SSBP2: variants seen among roughly 807,000 people sequenced by gnomAD.
SSBP2 encodes the protein single-stranded DNA-binding protein 2.
A neutral mutation model predicts 61.8 loss-of-function variants in SSBP2; 17 were observed. That is an observed-to-expected ratio of 0.28 (90% CI 0.19 to 0.41). The LOEUF (loss-of-function observed/expected upper bound fraction) is 0.41, where lower values mean the gene tolerates loss of function less well. Among genes scored for constraint, SSBP2 ranks in the 10% least tolerant of loss-of-function variants. The pLI, the probability that SSBP2 is intolerant of heterozygous loss-of-function variation, is 1.00. For synonymous variants in SSBP2, 139 were observed against 141.3 expected (o/e 0.98, Z 0.12); for missense variants, 310 against 458.7 (o/e 0.68, Z 2.96).
intron 5 of SSBP2, among the ~76,000 whole-genome samples, chr5:81,493,339 C>T (rs1405606266): frequency 6.6e-6 from 1 of 151,870 alleles, no homozygotes; most frequent in Non-Finnish European, 1.5e-5. Flanking sequence ...GGCTGGAGTG[C>T]AGTGCCATGA....
At chr5:81,598,614 C>G (rs982167350) in intron 4 of SSBP2, among the ~76,000 whole-genome samples, 8 of 152,276 alleles carry the variant, frequency 5.3e-5, no homozygotes, top group African/African-American at 1.9e-4. Context: ...CTTATTGATA[C>G]TGGAGTGGAT....
Position 81,420,344 on chromosome 5 carries a change from T to A in SSBP2, c.*160A>T. On this transcript the variant is annotated 3_prime_UTR_variant, in exon 17 of 17. Coordinates refer to ENST00000320672, the MANE Select transcript of SSBP2 (RefSeq NM_012446.5). The stretch of plus-strand genomic sequence containing the variant: ...TGTTTGAATCACATTTGGACCCGCT[T>A]TCTTCACAAAAGAGGGGAGAGAGCA... 3.0e-6 allele frequency: 2 copies of A among 676,162 alleles called. No individual in the cohort carries two copies. The highest frequency in any genetic ancestry group is 3.8e-5 in the South Asian group (2 of 53,290). The allele number at this position is 676,162 out of a possible 1,614,324, so 41.9% of individuals were successfully genotyped here. A position where few individuals can be genotyped will look rare whatever the true frequency, so the allele number is the denominator to read the frequency against.
intron 11 of SSBP2, 129 bp from the exon 12 acceptor site, chr5:81,447,051 TTGAC>T (rs1368517104): frequency 3.0e-5 from 19 of 627,208 alleles, no homozygotes; most frequent in Middle Eastern, 3.9e-4. Flanking sequence ...TTTATTTTCT[TTGAC>T]TGCACAATCA....
chr5:81,440,573 T>A lies in SSBP2; in HGVS notation c.913A>T (p.Met305Leu). ...AAAGCCTTACCTAAAGAGCCATTCATGTGATGTGACTCCATTCCTCCTAAT... is the reference window on the plus strand; with the variant it reads ...AAAGCCTTACCTAAAGAGCCATTCAAGTGATGTGACTCCATTCCTCCTAAT... The change falls in exon 14 of 17, where the codon ATG becomes TTG. Residue 305 changes from methionine to leucine, a missense_variant. By Grantham distance (15) the Met-to-Leu change is conservative. This residue lies in a region of SSBP2 where 44 missense variants were observed against 86.2 expected (regional missense o/e 0.51). Transcript: ENST00000320672. 2 of 1,613,506 alleles carry A rather than the reference T, an allele frequency of 1.2e-6. No homozygotes were observed. Among genetic ancestry groups the A allele is most frequent in the Non-Finnish European group, 8.5e-7 (1 of 1,179,500 alleles).
intron 1 of SSBP2, among the ~76,000 whole-genome samples, chr5:81,653,184 G>A (rs1216013388): frequency 6.6e-6 from 1 of 152,012 alleles, no homozygotes; most frequent in East Asian, 1.9e-4. Flanking sequence ...ACTTATGACT[G>A]AGAACATGTG....
At chr5:81,602,323 T>C (rs1486043578) in intron 4 of SSBP2, among the ~76,000 whole-genome samples, 1 of 152,186 alleles carries the variant, frequency 6.6e-6, no homozygotes, top group Admixed American at 6.5e-5. Context: ...TATAATTATT[T>C]TTAAAACTTT....
At chr5:81,545,662 G>A (rs1771677048) in intron 4 of SSBP2, among the ~76,000 whole-genome samples, 1 of 152,108 alleles carries the variant, frequency 6.6e-6, no homozygotes. Context: ...CAATGAACAA[G>A]ACACATTTTG....
intron 1 of SSBP2, among the ~76,000 whole-genome samples, chr5:81,665,674 T>G (rs438128): frequency 0.39 from 59,980 of 151,874 alleles, 12,283 homozygotes; most frequent in Middle Eastern, 0.57. Context: ...TTTATTATTA[T>G]TAGTAGTAGT....
chr5:81,433,840 T>C (rs754875225), intron 15 of SSBP2, among the ~76,000 whole-genome samples: 1 of 152,202 alleles, frequency 6.6e-6, no homozygotes, highest in Non-Finnish European at 1.5e-5. Context: ...TTTTGAAACT[T>C]CATTGGAAGC....
intron 5 of SSBP2, among the ~76,000 whole-genome samples, chr5:81,511,224 G>A (rs1306595969): frequency 3.3e-5 from 5 of 152,026 alleles, no homozygotes; most frequent in Non-Finnish European, 2.9e-5. Flanking sequence ...CGGTTTGGTG[G>A]CCTTCTGATT....
At chr5:81,548,575 T>C (rs1771929676) in intron 4 of SSBP2, among the ~76,000 whole-genome samples, 1 of 152,130 alleles carries the variant, frequency 6.6e-6, no homozygotes, top group African/African-American at 2.4e-5. Flanking sequence ...GACTCAAAAA[T>C]CCTGCCTCTT....
chr5:81,481,020 G>C (rs927350707), intron 6 of SSBP2, among the ~76,000 whole-genome samples: 1 of 152,170 alleles, frequency 6.6e-6, no homozygotes, highest in African/African-American at 2.4e-5. Context: ...TATTATGAGA[G>C]TGTGGCAATT....
chr5:81,750,819 G>A (rs1044673240), intron 1 of SSBP2, 162 bp downstream of exon 1: 7 of 788,812 alleles, frequency 8.9e-6, no homozygotes, highest in Non-Finnish European at 1.4e-5. Context: ...GGAAAGCGCA[G>A]CTCCCCGCAC....
At chr5:81,702,390 C>A (rs567634873) in intron 1 of SSBP2, among the ~76,000 whole-genome samples, 147 of 152,086 alleles carry the variant, frequency 9.7e-4, no homozygotes, top group African/African-American at 3.3e-3. Flanking sequence ...AACAAACAAA[C>A]AAACAAATTC....
intron 4 of SSBP2, among the ~76,000 whole-genome samples, chr5:81,546,355 T>A (rs958481760): frequency 6.6e-6 from 1 of 152,188 alleles, no homozygotes; most frequent in African/African-American, 2.4e-5. Flanking sequence ...TTCAGATTGA[T>A]TATTCTTTAC....
chr5:81,743,557 T>C (rs948716436), intron 1 of SSBP2, among the ~76,000 whole-genome samples: 9 of 152,228 alleles, frequency 5.9e-5, no homozygotes, highest in African/African-American at 1.2e-4. Flanking sequence ...TTATTCTCCC[T>C]ATATCCTCAA....
intron 4 of SSBP2, among the ~76,000 whole-genome samples, chr5:81,560,464 A>G (rs1417540684): frequency 6.6e-6 from 1 of 152,218 alleles, no homozygotes; most frequent in Non-Finnish European, 1.5e-5. Flanking sequence ...AGAAGCTCAG[A>G]ATCAGTTTGT....
chr5:81,533,277 A>G (rs980279029), intron 4 of SSBP2, among the ~76,000 whole-genome samples: 1 of 152,026 alleles, frequency 6.6e-6, no homozygotes, highest in Non-Finnish European at 1.5e-5. Flanking sequence ...ACTCCTCTAA[A>G]CAACATATAG....
intron 11 of SSBP2, among the ~76,000 whole-genome samples, chr5:81,448,361 A>G (rs1375771636): frequency 2.0e-5 from 3 of 152,182 alleles, no homozygotes; most frequent in Non-Finnish European, 2.9e-5. Flanking sequence ...ATTCCTCTAA[A>G]TTATTAGTCA....
Sources: allele counts gnomAD v4.1 joint callset (sites outside exome capture counted in the v4.1 genomes callset), GRCh38; gene constraint gnomAD v4.1.1; regional missense constraint gnomAD v4.1.1; transcripts MANE v1.5; gene names NCBI Gene and HGNC (gene_info 2026-07-23, HGNC 2026-07-21).